CCSER1: variants seen among roughly 807,000 people sequenced by gnomAD.
CCSER1 encodes the protein serine-rich coiled-coil domain-containing protein 1.
A neutral mutation model predicts 82.0 loss-of-function variants in CCSER1; 41 were observed. The observed-to-expected ratio is 0.50, with a 90% CI of 0.39 to 0.65. CCSER1 has a LOEUF of 0.65. Among genes scored for constraint, CCSER1 ranks in the 30% least tolerant of loss-of-function variants. CCSER1 has a pLI of 0.00. For synonymous variants in CCSER1, 414 were observed against 383.9 expected, an observed-to-expected ratio of 1.08 and a Z score of -0.92; for missense variants, 1,119 against 1,064.2, an observed-to-expected ratio of 1.05 and a Z score of -0.72.
chr4:90,831,513 A>G (rs1761107307), intron 8 of CCSER1, among the ~76,000 whole-genome samples: 1 of 152,186 alleles, frequency 6.6e-6, no homozygotes, highest in Non-Finnish European at 1.5e-5. Flanking sequence ...GAATATGCCT[A>G]TTACACTGTT....
intron 6 of CCSER1, among the ~76,000 whole-genome samples, chr4:90,705,866 G>A (rs570932998): frequency 3.3e-5 from 5 of 152,272 alleles, no homozygotes; most frequent in South Asian, 4.1e-4. Context: ...TCCAGGTGCC[G>A]TCTGTCACAG....
At chr4:90,607,635 T>C (rs370048742) in intron 5 of CCSER1, among the ~76,000 whole-genome samples, 10 of 152,192 alleles carry the variant, frequency 6.6e-5, no homozygotes, top group African/African-American at 2.4e-4. Flanking sequence ...ACCAGTTATG[T>C]TCGAATAGGG....
At chr4:91,038,842 G>T (rs1344649008) in intron 9 of CCSER1, among the ~76,000 whole-genome samples, 1 of 152,110 alleles carries the variant, frequency 6.6e-6, no homozygotes. Flanking sequence ...GGGAAAGGTA[G>T]AATTTAAATA....
At chr4:91,356,667 C>T (rs112914488) in intron 10 of CCSER1, among the ~76,000 whole-genome samples, 3,016 of 152,260 alleles carry the variant, frequency 0.02, 92 homozygotes, top group African/African-American at 0.067. Context: ...CAAATCCACT[C>T]GGGGATGAAC....
chr4:90,367,303 A>G (rs1385513882), intron 3 of CCSER1, among the ~76,000 whole-genome samples: 1 of 151,950 alleles, frequency 6.6e-6, no homozygotes, highest in African/African-American at 2.4e-5. Flanking sequence ...ATGAGCATGA[A>G]GGCTTTATAA....
Position 91,093,255 on chromosome 4 carries a change from A to G in CCSER1, c.2217+7261A>G, listed in dbSNP as rs117081406. Among the ~76,000 whole-genome samples, 22 of 152,318 alleles carry G rather than the reference A, an allele frequency of 1.4e-4. No individual in the cohort carries two copies. The East Asian group carries it at 4.3e-3, about 29-fold the overall frequency. On this transcript the variant is annotated intron_variant, in intron 10 of 10. Transcript: ENST00000509176. ...CTGATGAAGCTGCTCCCATCCACGTATAACTCCCAGTCCACTGATGCCCAT... is the reference window on the plus strand; with the variant it reads ...CTGATGAAGCTGCTCCCATCCACGTGTAACTCCCAGTCCACTGATGCCCAT...
chr4:90,768,161 G>T (rs1220627638), intron 7 of CCSER1, among the ~76,000 whole-genome samples: 2 of 152,164 alleles, frequency 1.3e-5, no homozygotes, highest in Non-Finnish European at 2.9e-5. Context: ...CCCTCCCTTG[G>T]TTCACTCACT....
chr4:90,941,388 T>C (rs920380618), intron 9 of CCSER1, among the ~76,000 whole-genome samples: 1 of 152,140 alleles, frequency 6.6e-6, no homozygotes, highest in Non-Finnish European at 1.5e-5. Context: ...ATGTAGATGT[T>C]ACTATATGAT....
chr4:90,457,364 A>T (rs1376755498), intron 4 of CCSER1, among the ~76,000 whole-genome samples: 1 of 152,084 alleles, frequency 6.6e-6, no homozygotes, highest in Non-Finnish European at 1.5e-5. Context: ...TGCTCACAAC[A>T]TGCTGACTAG....
intron 10 of CCSER1, among the ~76,000 whole-genome samples, chr4:91,119,285 A>G (rs1199393992): frequency 1.3e-5 from 2 of 152,046 alleles, no homozygotes. Context: ...TTCTTTTACA[A>G]ACTGTGTTTA....
intron 10 of CCSER1, among the ~76,000 whole-genome samples, chr4:91,318,495 C>A (rs145622335): frequency 0.013 from 2,018 of 152,026 alleles, 23 homozygotes; most frequent in Non-Finnish European, 0.019. Flanking sequence ...ACCAACAGTA[C>A]AACCTGGGAG....
At chr4:90,951,937 T>TACAC (rs767584750) in intron 9 of CCSER1, among the ~76,000 whole-genome samples, 6 of 151,752 alleles carry the variant, frequency 4.0e-5, no homozygotes, top group South Asian at 2.1e-4. Flanking sequence ...ATGTTAATTT[T>TACAC]ACACGCACAC....
At chr4:90,389,775 G>A (rs937859648) in intron 3 of CCSER1, among the ~76,000 whole-genome samples, 1 of 152,084 alleles carries the variant, frequency 6.6e-6, no homozygotes, top group African/African-American at 2.4e-5. Flanking sequence ...TGTTCTGTGA[G>A]TCCAGCACAT....
chr4:90,487,999 A>T (rs1168632475), intron 5 of CCSER1, among the ~76,000 whole-genome samples: 1 of 152,168 alleles, frequency 6.6e-6, no homozygotes, highest in Non-Finnish European at 1.5e-5. Flanking sequence ...TTGTCTTCTT[A>T]TAAGGATTGC....
At chr4:90,236,097 G>A (rs10009936) in intron 1 of CCSER1, among the ~76,000 whole-genome samples, 2,391 of 152,050 alleles carry the variant, frequency 0.016, 35 homozygotes, top group African/African-American at 0.041. Context: ...TGCATGCCAC[G>A]ATGCTTGGCT....
chr4:91,386,463 T>C (rs116208006), intron 10 of CCSER1, among the ~76,000 whole-genome samples: 3,015 of 152,128 alleles, frequency 0.02, 75 homozygotes, highest in African/African-American at 0.067. Flanking sequence ...CTTTCCCTTA[T>C]AGTAGAATAT....
intron 5 of CCSER1, among the ~76,000 whole-genome samples, chr4:90,549,947 A>G (rs1021808198): frequency 6.6e-6 from 1 of 152,186 alleles, no homozygotes; most frequent in African/African-American, 2.4e-5. Context: ...GGGAAAGGAA[A>G]GAGTCAAAAA....
chr4:91,291,937 T>C (rs1323666343), intron 10 of CCSER1, among the ~76,000 whole-genome samples: 1 of 152,108 alleles, frequency 6.6e-6, no homozygotes, highest in Non-Finnish European at 1.5e-5. Flanking sequence ...CAAGACTTTG[T>C]GATAAACGCA....
chr4:90,280,689 C>G (rs1180521057), intron 1 of CCSER1, among the ~76,000 whole-genome samples: 1 of 152,142 alleles, frequency 6.6e-6, no homozygotes, highest in Middle Eastern at 3.4e-3. Context: ...AATTCTCCAA[C>G]TCTCCTCTTT....
Sources: gnomAD v4.1 joint callset for allele counts (sites outside exome capture counted in the v4.1 genomes callset) on GRCh38, gnomAD v4.1.1 for gene constraint, MANE v1.5 for transcripts, NCBI Gene and HGNC (gene_info 2026-07-23, HGNC 2026-07-21) for gene names.